LRFN2: variants seen among roughly 807,000 people sequenced by gnomAD.
The protein encoded by LRFN2 is leucine rich repeat and fibronectin type III domain containing 2.
Under a neutral mutation model 37.3 loss-of-function variants are expected in LRFN2, and 18 were observed. The observed-to-expected ratio is 0.48, with a 90% confidence interval of 0.33 to 0.72. The LOEUF is 0.72. Among genes scored for constraint, LRFN2 ranks in the 30% least tolerant of loss-of-function variants. The pLI is 0.02. For missense variants in LRFN2, 1,006 were observed against 1,060.7 expected, an observed-to-expected ratio of 0.95 and a Z score of 0.72; for synonymous variants, 556 against 466.6, an observed-to-expected ratio of 1.19 and a Z score of -2.47.
intron 1 of LRFN2, among the ~76,000 whole-genome samples, chr6:40,584,956 T>C (rs1767475778): frequency 6.6e-6 from 1 of 152,122 alleles, no homozygotes; most frequent in Non-Finnish European, 1.5e-5. Flanking sequence ...TTCCCATCTA[T>C]CTTGCTTCTC....
At chr6:40,439,394 C>G (rs1398049337) in intron 1 of LRFN2, among the ~76,000 whole-genome samples, 5 of 152,184 alleles carry the variant, frequency 3.3e-5, no homozygotes, top group African/African-American at 1.2e-4. Flanking sequence ...CCTCCCAGAG[C>G]CCCACTGCTC....
At chr6:40,404,964 C>T (rs963266208) in intron 2 of LRFN2, among the ~76,000 whole-genome samples, 1 of 152,214 alleles carries the variant, frequency 6.6e-6, no homozygotes, top group Admixed American at 6.5e-5. Context: ...TCTCTGCCTC[C>T]CATACTCAGC....
At chr6:40,448,086 G>C (rs1358306457) in intron 1 of LRFN2, among the ~76,000 whole-genome samples, 2 of 152,220 alleles carry the variant, frequency 1.3e-5, no homozygotes, top group Non-Finnish European at 2.9e-5. Context: ...GCAATAGCCT[G>C]TGAGAGACCG....
At chr6:40,459,743 G>T (rs1764306754) in intron 1 of LRFN2, among the ~76,000 whole-genome samples, 1 of 152,244 alleles carries the variant, frequency 6.6e-6, no homozygotes, top group Non-Finnish European at 1.5e-5. Flanking sequence ...TTCTGGATGG[G>T]TTGGTGAAGA....
intron 1 of LRFN2, among the ~76,000 whole-genome samples, chr6:40,585,220 A>ATAAATAATTACATTCCTG (rs1767479736): frequency 1.3e-5 from 2 of 152,210 alleles, no homozygotes; most frequent in African/African-American, 4.8e-5. Context: ...GGGCAGGAAG[A>ATAAATAATTACATTCCTG]TAAATAATTA....
chr6:40,538,978 G>T (rs1387182807), intron 1 of LRFN2, among the ~76,000 whole-genome samples: 1 of 152,096 alleles, frequency 6.6e-6, no homozygotes, highest in East Asian at 1.9e-4. Context: ...ACCCTGTTCT[G>T]GTCTTTTCAC....
At chr6:40,537,509 G>C (rs1175884162) in intron 1 of LRFN2, among the ~76,000 whole-genome samples, 1 of 152,162 alleles carries the variant, frequency 6.6e-6, no homozygotes, top group Non-Finnish European at 1.5e-5. Context: ...GCTGCTGTGA[G>C]AGAGCTGAAT....
At chr6:40,584,405 G>A (rs1417514) in intron 1 of LRFN2, among the ~76,000 whole-genome samples, 1 of 152,200 alleles carries the variant, frequency 6.6e-6, no homozygotes, top group Non-Finnish European at 1.5e-5. Flanking sequence ...CCAAGTTGAG[G>A]TTTCATTCCA....
At chr6:40,419,721 C>T (rs1763177942) in intron 2 of LRFN2, among the ~76,000 whole-genome samples, 1 of 152,116 alleles carries the variant, frequency 6.6e-6, no homozygotes, top group African/African-American at 2.4e-5. Flanking sequence ...GCTACCACCC[C>T]CTCACCCTGA....
chr6:40,498,104 T>C (rs1007571414), intron 1 of LRFN2, among the ~76,000 whole-genome samples: 3 of 152,056 alleles, frequency 2.0e-5, no homozygotes, highest in African/African-American at 7.2e-5. Flanking sequence ...CAACATTGAC[T>C]CTACAACAGC....
At chr6:40,418,320 T>C (rs2113811592) in intron 2 of LRFN2, among the ~76,000 whole-genome samples, 1 of 152,318 alleles carries the variant, frequency 6.6e-6, no homozygotes, top group Admixed American at 6.5e-5. Flanking sequence ...TGTAGCCCTC[T>C]GGTCTCGGTC....
At chr6:40,399,438 C>CTTTTTTTTTTT (rs71543989) in intron 2 of LRFN2, among the ~76,000 whole-genome samples, 1 of 108,924 alleles carries the variant, frequency 9.2e-6, no homozygotes, top group Non-Finnish European at 1.8e-5. Context: ...TTTTTTTTTT[C>CTTTTTTTTTTT]TTTTTTTTTT....
intron 1 of LRFN2, among the ~76,000 whole-genome samples, chr6:40,465,963 T>C (rs1419619076): frequency 2.6e-5 from 4 of 152,078 alleles, no homozygotes; most frequent in Non-Finnish European, 4.4e-5. Context: ...AAGGCAGTAG[T>C]GGTGACAGAA....
chr6:40,420,484 C>A (rs78799688), intron 2 of LRFN2, among the ~76,000 whole-genome samples: 1 of 152,230 alleles, frequency 6.6e-6, no homozygotes, highest in Non-Finnish European at 1.5e-5. Context: ...CAGCTTCCCC[C>A]CCAGGCTGGC....
At chr6:40,511,477 G>A (rs1023421006) in intron 1 of LRFN2, among the ~76,000 whole-genome samples, 1 of 152,188 alleles carries the variant, frequency 6.6e-6, no homozygotes, top group African/African-American at 2.4e-5. Context: ...GGGGCAGTGG[G>A]AGGGTAAGTA....
At chr6:40,437,640 A>G (rs1763718629) in intron 1 of LRFN2, among the ~76,000 whole-genome samples, 1 of 152,184 alleles carries the variant, frequency 6.6e-6, no homozygotes, top group Admixed American at 6.5e-5. Context: ...TTGTATTCTG[A>G]GAACTGTCAC....
intron 1 of LRFN2, among the ~76,000 whole-genome samples, chr6:40,568,681 CCATTT>C (rs1767133217): frequency 8.4e-6 from 1 of 118,980 alleles, no homozygotes. Context: ...AACGTCTCCC[CCATTT>C]CCTTCCTTCC....
chr6:40,477,026 T>C (rs1051915233), intron 1 of LRFN2, among the ~76,000 whole-genome samples: 25 of 152,334 alleles, frequency 1.6e-4, no homozygotes, highest in South Asian at 2.1e-4. Context: ...CTCTTGATGA[T>C]CAGGAAATGG....
chr6:40,579,559 G>A (rs1398478996), intron 1 of LRFN2, among the ~76,000 whole-genome samples: 1 of 151,750 alleles, frequency 6.6e-6, no homozygotes, highest in Non-Finnish European at 1.5e-5. Flanking sequence ...ACATCAAGCA[G>A]TTAATCATGT....
Sources: gnomAD v4.1 joint callset for allele counts (sites outside exome capture counted in the v4.1 genomes callset) on GRCh38, gnomAD v4.1.1 for gene constraint, MANE v1.5 for transcripts, NCBI Gene and HGNC (gene_info 2026-07-23, HGNC 2026-07-21) for gene names.